PURG: variants seen among roughly 807,000 people sequenced by gnomAD.
PURG encodes the protein purine rich element binding protein G.
Under a neutral mutation model 24.3 loss-of-function variants are expected in PURG, and 3 were observed. The observed-to-expected ratio is 0.12, with a 90% CI of 0.06 to 0.32. The LOEUF is 0.32. PURG is among the 10% of genes least tolerant of loss of function. The pLI is 1.00. For synonymous variants in PURG, 180 were observed against 173.1 expected (o/e 1.04, Z -0.31); for missense variants, 371 against 439.1 (o/e 0.84, Z 1.39).
downstream of PURG, among the ~76,000 whole-genome samples, chr8:31,028,870 A>C (rs1811137805): frequency 6.6e-6 from 1 of 151,812 alleles, no homozygotes; most frequent in Non-Finnish European, 1.5e-5. Context: ...AAACATCATC[A>C]GTGTTTTAGA....
At chr8:31,013,179 T>C (rs1268496526) in intron 1 of PURG, among the ~76,000 whole-genome samples, 4 of 152,194 alleles carry the variant, frequency 2.6e-5, no homozygotes, top group Admixed American at 2.6e-4. Context: ...ATATAATATT[T>C]GGGCCTTTGA....
At chr8:31,018,536 A>T (rs913104373) in intron 1 of PURG, among the ~76,000 whole-genome samples, 1 of 152,214 alleles carries the variant, frequency 6.6e-6, no homozygotes, top group African/African-American at 2.4e-5. Flanking sequence ...CTAACACTTA[A>T]TTTTTTTAAA....
chr8:31,010,916 C>T (rs1810749310), intron 1 of PURG, among the ~76,000 whole-genome samples: 1 of 152,206 alleles, frequency 6.6e-6, no homozygotes, highest in East Asian at 1.9e-4. Context: ...TTATGGAAAA[C>T]TTTCAGGACA....
intron 1 of PURG, among the ~76,000 whole-genome samples, chr8:31,009,124 T>C (rs1810714791): frequency 6.6e-6 from 1 of 152,130 alleles, no homozygotes; most frequent in African/African-American, 2.4e-5. Context: ...TGGCCATAAA[T>C]ACAGAAACAG....
chr8:31,009,277 T>G (rs1463822962), intron 1 of PURG, among the ~76,000 whole-genome samples: 1 of 152,030 alleles, frequency 6.6e-6, no homozygotes, highest in African/African-American at 2.4e-5. Flanking sequence ...AATACAAAAA[T>G]TAGCTGGGCG....
downstream of PURG, among the ~76,000 whole-genome samples, chr8:31,026,259 C>G (rs192931566): frequency 5.3e-5 from 8 of 151,586 alleles, no homozygotes; most frequent in African/African-American, 1.7e-4. Context: ...TTTAAGATAA[C>G]ACTTGGTTAA....
At chr8:31,016,577 GAACCAAAAAAAAAAAAAAAAAAAAAAAAA>G (rs1810871082) in intron 1 of PURG, among the ~76,000 whole-genome samples, 1 of 37,324 alleles carries the variant, frequency 2.7e-5, no homozygotes, top group African/African-American at 9.5e-5. Context: ...AGTCTACCAA[GAACCAAAAAAAAAAAAAAAAAAAAAAAAA>G]AAAGAAAGAA....
chr8:31,015,546 T>C (rs114324576), intron 1 of PURG, among the ~76,000 whole-genome samples: 1,752 of 152,316 alleles, frequency 0.012, 34 homozygotes, highest in African/African-American at 0.04. Flanking sequence ...ACCAGTCGCT[T>C]GGCTCTGAAG....
At chr8:31,000,740 G>A (rs990179674) in intron 1 of PURG, among the ~76,000 whole-genome samples, 19 of 152,118 alleles carry the variant, frequency 1.2e-4, no homozygotes, top group African/African-American at 4.3e-4. Flanking sequence ...GTATAAGAAT[G>A]ACTATATAGA....
intron 1 of PURG, among the ~76,000 whole-genome samples, chr8:31,019,752 C>T (rs139787210): frequency 0.012 from 1,741 of 148,422 alleles, 34 homozygotes; most frequent in African/African-American, 0.041. Context: ...AGGCTGGTCT[C>T]GAACACCTGA....
intron 1 of PURG, among the ~76,000 whole-genome samples, chr8:31,020,412 A>G (rs1324755007): frequency 6.6e-6 from 1 of 152,198 alleles, no homozygotes; most frequent in African/African-American, 2.4e-5. Context: ...ATAGTCATTA[A>G]ACTTGTATTA....
intron 1 of PURG, among the ~76,000 whole-genome samples, chr8:31,009,378 A>G (rs1190270319): frequency 6.6e-6 from 1 of 152,010 alleles, no homozygotes; most frequent in Non-Finnish European, 1.5e-5. Flanking sequence ...GTGAGCTGAG[A>G]TCGTGCCACT....
At chr8:31,017,947 G>A (rs527312707) in intron 1 of PURG, among the ~76,000 whole-genome samples, 104 of 152,178 alleles carry the variant, frequency 6.8e-4, no homozygotes, top group African/African-American at 2.3e-3. Flanking sequence ...ATTGCCTCTT[G>A]TGTCATTCTA....
In PURG at chr8:31,031,484, T is replaced by C. The variant is rs1029268030; in HGVS notation, c.*255A>G. On this transcript the variant is annotated 3_prime_UTR_variant, in exon 2 of 2. Coordinates refer to ENST00000523392, the MANE Select transcript of PURG (RefSeq NM_001323311.2). Reference sequence around the variant, plus strand: ...TCAGAATGTCACATTTTGTGCTGATTTGCATACTTCAATAGTCTGGAGCAG... The same window carrying C: ...TCAGAATGTCACATTTTGTGCTGATCTGCATACTTCAATAGTCTGGAGCAG... 4 of 455,756 alleles carry C rather than the reference T, an allele frequency of 8.8e-6. No homozygotes were observed. The highest frequency in any genetic ancestry group is 1.9e-5 in the African/African-American group (1 of 51,490). 28.2% of individuals were successfully genotyped at this position (455,756 alleles called of 1,614,324 possible).
intron 1 of PURG, among the ~76,000 whole-genome samples, chr8:31,005,400 T>C (rs1179480325): frequency 6.7e-6 from 1 of 148,696 alleles, no homozygotes; most frequent in African/African-American, 2.5e-5. Context: ...GACACTGCAC[T>C]CCAGCCTGGG....
At chr8:31,021,058 A>G (rs780376866) in intron 1 of PURG, among the ~76,000 whole-genome samples, 1 of 152,160 alleles carries the variant, frequency 6.6e-6, no homozygotes, top group Non-Finnish European at 1.5e-5. Context: ...ATGGAGAATT[A>G]TCTGTTTATT....
intron 1 of PURG, among the ~76,000 whole-genome samples, chr8:31,004,320 T>C (rs918052716): frequency 1.7e-4 from 26 of 152,172 alleles, no homozygotes; most frequent in Admixed American, 6.5e-5. Context: ...TAAGAGGGCT[T>C]AAAAGCTCCT....
chr8:31,014,997 T>C (rs1563306658), intron 1 of PURG, among the ~76,000 whole-genome samples: 1 of 152,274 alleles, frequency 6.6e-6, no homozygotes, highest in Non-Finnish European at 1.5e-5. Flanking sequence ...TAAATCTTTT[T>C]GCATGTGAGA....
chr8:31,016,302 C>T (rs1484795988), intron 1 of PURG, among the ~76,000 whole-genome samples: 1 of 151,902 alleles, frequency 6.6e-6, no homozygotes, highest in Non-Finnish European at 1.5e-5. Context: ...ATCACTTGAA[C>T]CTGGGAGGTG....
Sources: gnomAD v4.1 joint callset for allele counts (sites outside exome capture counted in the v4.1 genomes callset) on GRCh38, gnomAD v4.1.1 for gene constraint, MANE v1.5 for transcripts, NCBI Gene and HGNC (gene_info 2026-07-23, HGNC 2026-07-21) for gene names.